The following APOBEC4 variants were observed in gnomAD, a reference collection of about 807,000 sequenced individuals.
APOBEC4 encodes the protein putative deaminase APOBEC-4.
For missense variants in APOBEC4, 375 were observed against 441.2 expected (o/e 0.85, Z 1.34); for synonymous variants, 141 against 154.2 (o/e 0.91, Z 0.63).
intron 1 of APOBEC4, among the ~76,000 whole-genome samples, chr1:183,651,556 GT>G (rs140989850): frequency 3.1e-4 from 47 of 152,280 alleles, no homozygotes; most frequent in African/African-American, 1.1e-3. Flanking sequence ...CCAGCTGTAG[GT>G]GGAATGTAGC....
intron 1 of APOBEC4, among the ~76,000 whole-genome samples, chr1:183,651,880 T>C (rs1245507568): frequency 6.6e-6 from 1 of 152,190 alleles, no homozygotes; most frequent in African/African-American, 2.4e-5. Context: ...ACCTCCTCCT[T>C]GCTTAGCCTT....
At chr1:183,650,413 T>TGG (rs1650646186) in intron 1 of APOBEC4, among the ~76,000 whole-genome samples, 1 of 151,924 alleles carries the variant, frequency 6.6e-6, no homozygotes, top group Non-Finnish European at 1.5e-5. Context: ...TGTGGTGGCA[T>TGG]GCGCCTGTAG....
chr1:183,649,021 A>G (rs2101993373), intron 1 of APOBEC4, among the ~76,000 whole-genome samples: 1 of 152,348 alleles, frequency 6.6e-6, no homozygotes, highest in South Asian at 2.1e-4. Flanking sequence ...CTTCAACTTT[A>G]CCTGTTTCAT....
intron 1 of APOBEC4, among the ~76,000 whole-genome samples, 197 bp from the exon 2 acceptor site, chr1:183,649,008 G>A (rs553815926): frequency 3.3e-5 from 5 of 152,310 alleles, no homozygotes; most frequent in South Asian, 2.1e-4. Context: ...AGAGAAAGGC[G>A]TTCTTCAACT....
intron 1 of APOBEC4, among the ~76,000 whole-genome samples, chr1:183,651,316 T>C (rs185389474): frequency 6.0e-4 from 91 of 152,350 alleles, no homozygotes; most frequent in Non-Finnish European, 1.1e-3. Context: ...TGCAACAGAA[T>C]ATATTTTTCA....
chr1:183,651,943 T>A (rs1264270251), intron 1 of APOBEC4, among the ~76,000 whole-genome samples: 1 of 152,168 alleles, frequency 6.6e-6, no homozygotes, highest in African/African-American at 2.4e-5. Flanking sequence ...AAGCCCAAAC[T>A]TTCATGCTTT....
At chr1:183,652,092 G>T (rs1216949955) in intron 1 of APOBEC4, among the ~76,000 whole-genome samples, 3 of 152,166 alleles carry the variant, frequency 2.0e-5, no homozygotes, top group Admixed American at 6.5e-5. Flanking sequence ...AGAACCAAAA[G>T]GCACTTTTCT....
In APOBEC4 at chr1:183,647,918, C is replaced by A. The variant is rs760161720; in HGVS notation, c.864G>T (p.Arg288Ser). The A allele has an allele frequency of 1.9e-6, 3 of 1,614,014 alleles. No homozygotes were observed. Among genetic ancestry groups the A allele is most frequent in the Non-Finnish European group, 2.5e-6 (3 of 1,180,032 alleles). Residue 288 changes from arginine (R) to serine (S), a missense_variant, in exon 2 of 2, where the codon AGG becomes AGT. Transcript: ENST00000308641. The part of the protein sequence containing the change: ...QLQPNLPPDL[R>S]APVVFVLVPL... ...GCACTAGCACAAAAACAACAGGAGC[C>A]CTGAGGTCTGGAGGTAGGTTGGGTT...
At chr1:183,651,513 A>G (rs191786238) in intron 1 of APOBEC4, among the ~76,000 whole-genome samples, 2 of 152,152 alleles carry the variant, frequency 1.3e-5, no homozygotes, top group African/African-American at 2.4e-5. Context: ...TGCTAATCCT[A>G]TCCTGGGCAG....
intron 1 of APOBEC4, among the ~76,000 whole-genome samples, chr1:183,652,831 G>A (rs1650864266): frequency 6.6e-6 from 1 of 151,978 alleles, no homozygotes; most frequent in African/African-American, 2.4e-5. Context: ...CGTGCTGGAG[G>A]GCTCTCTGCA....
chr1:183,651,213 T>G (rs930683965), intron 1 of APOBEC4, among the ~76,000 whole-genome samples: 1 of 152,238 alleles, frequency 6.6e-6, no homozygotes, highest in South Asian at 2.1e-4. Context: ...CCCCATATTT[T>G]CTTCTAGTAT....
rs1650885216 is a variant in APOBEC4, at chr1:183,653,080, T to G, written c.-39A>C. The G allele has an allele frequency of 6.6e-6, 1 of 152,258 alleles. No individual in the cohort carries two copies. Among genetic ancestry groups the G allele is most frequent in the African/African-American group, 2.4e-5 (1 of 41,464 alleles). 9.4% of individuals were successfully genotyped at this position (152,258 alleles called of 1,614,324 possible). A position where few individuals can be genotyped will look rare whatever the true frequency, so the allele number is the denominator to read the frequency against. On this transcript the variant is annotated 5_prime_UTR_variant, in exon 1 of 2. Transcript: ENST00000308641. ...TTAGCAGTTATAATTACCATCAATT[T>G]GTCTCCAGGCTTGGATCACATTCCA...
Position 183,648,183 on chromosome 1 carries a change from C to A in APOBEC4, c.599G>T (p.Ser200Ile). ...TGATCCTGAGACACCACTTATAAAG[C>A]TGTGGAGAACAGAATGCCAGATCCC... is the stretch of plus-strand genomic sequence containing the variant. ...SGGIWHSVLH[S>I]FISGVSGSHV... The change falls in exon 2 of 2, where the codon AGC becomes ATC. Residue 200 changes from serine to isoleucine, a missense_variant. Coordinates refer to ENST00000308641, the MANE Select transcript of APOBEC4 (RefSeq NM_203454.3). 6.2e-7 allele frequency: 1 copy of A among 1,614,206 alleles called. No individual in the cohort carries two copies. Among genetic ancestry groups the A allele is most frequent in the East Asian group, 2.2e-5 (1 of 44,890 alleles).
rs746049276 is a variant in APOBEC4 at position 183,648,769 on chromosome 1, A to G, written c.13T>C (p.Tyr5His). 8 of 1,596,906 alleles carry G rather than the reference A, an allele frequency of 5.0e-6. No homozygotes were observed. The Admixed American group carries it at 5.3e-5, about 11-fold the overall frequency. ...CCATGATTTGCTAGGTACTCCTCATATATGGGCTCCATTGCTAGATTTACT... is the reference window on the plus strand; with the variant it reads ...CCATGATTTGCTAGGTACTCCTCATGTATGGGCTCCATTGCTAGATTTACT... MEPI[Y>H]EEYLANHGTI... Residue 5 changes from tyrosine (Y) to histidine (H), a missense_variant, in exon 2 of 2, where the codon TAT becomes CAT. By Grantham distance (83) the Tyr-to-His change is moderately conservative. Coordinates refer to ENST00000308641, the MANE Select transcript of APOBEC4 (RefSeq NM_203454.3).
rs1377235123 is a variant in APOBEC4 at position 183,648,543 on chromosome 1, T to C, written c.239A>G (p.Gln80Arg). ...ELKTSSGSLV[Q>R]KGHASSCTGN... ...AGTGCAACTGCTAGCATGGCCCTTT[T>C]GCACCAGGCTACCAGAAGAAGTTTT... Residue 80 changes from glutamine (Q) to arginine (R), a missense_variant, in exon 2 of 2, where the codon CAA becomes CGA. By Grantham distance (43) the Gln-to-Arg change is conservative (BLOSUM62 1). Coordinates refer to ENST00000308641, the MANE Select transcript of APOBEC4 (RefSeq NM_203454.3). 2 of 1,614,234 alleles carry C rather than the reference T, an allele frequency of 1.2e-6. No homozygotes were observed. The highest frequency in any genetic ancestry group is 2.7e-5 in the African/African-American group (2 of 75,058).
chr1:183,652,801 C>T (rs143628180), intron 1 of APOBEC4, among the ~76,000 whole-genome samples: 7 of 152,334 alleles, frequency 4.6e-5, no homozygotes, highest in African/African-American at 1.7e-4. Flanking sequence ...GCAGTAAGAA[C>T]AGAGATGTGT....
chr1:183,650,345 A>T (rs367793050), intron 1 of APOBEC4, among the ~76,000 whole-genome samples: 3 of 152,074 alleles, frequency 2.0e-5, no homozygotes, highest in Non-Finnish European at 4.4e-5. Context: ...AGATGGAGAC[A>T]ATCCTGGCTA....
rs895133114 is a variant in APOBEC4 at position 183,653,113 on chromosome 1, G to T, written c.-72C>A. On this transcript the variant is annotated 5_prime_UTR_variant, in exon 1 of 2. Transcript: ENST00000308641. ...GGCTTGGATCACATTCCAGGTGTTA[G>T]AAGAGATGGTCCATTTCCTTTTTTT... The T allele has an allele frequency of 1.3e-5, 2 of 152,186 alleles. No individual in the cohort carries two copies. Among genetic ancestry groups the T allele is most frequent in the African/African-American group, 4.8e-5 (2 of 41,398 alleles). 9.4% of individuals were successfully genotyped at this position (152,186 alleles called of 1,614,324 possible). A position where few individuals can be genotyped will look rare whatever the true frequency, so the allele number is the denominator to read the frequency against.
At chr1:183,649,610 A>G (rs1558133066) in intron 1 of APOBEC4, among the ~76,000 whole-genome samples, 3 of 152,186 alleles carry the variant, frequency 2.0e-5, no homozygotes. Context: ...TTGACATGTA[A>G]GAGTTTTCTT....
Sources: allele counts gnomAD v4.1 joint callset (sites outside exome capture counted in the v4.1 genomes callset), GRCh38; gene constraint gnomAD v4.1.1; transcripts MANE v1.5; gene names NCBI Gene and HGNC (gene_info 2026-07-23, HGNC 2026-07-21).